TSGA10: variants seen among roughly 807,000 people sequenced by gnomAD.
TSGA10 encodes the protein testis-specific gene 10 protein.
TSGA10 carries 43 observed loss-of-function variants against 96.6 expected under a neutral mutation model. That is an observed-to-expected ratio of 0.44 (90% CI 0.35 to 0.57). The LOEUF is 0.57. TSGA10 is among the 20% of genes least tolerant of loss of function. The pLI, the probability that TSGA10 is intolerant of heterozygous loss-of-function variation, is 0.01. For synonymous variants in TSGA10, 229 were observed against 269.9 expected (o/e 0.85, Z 1.48); for missense variants, 703 against 834.4 (o/e 0.84, Z 1.94).
intron 12 of TSGA10, among the ~76,000 whole-genome samples, chr2:99,077,451 C>T (rs1405281081): frequency 6.6e-6 from 1 of 152,158 alleles, no homozygotes; most frequent in African/African-American, 2.4e-5. Flanking sequence ...AATGATGCTG[C>T]TTTTGCTTAA....
intron 16 of TSGA10, among the ~76,000 whole-genome samples, chr2:99,053,529 C>T (rs1345713908): frequency 6.6e-6 from 1 of 152,082 alleles, no homozygotes; most frequent in Non-Finnish European, 1.5e-5. Flanking sequence ...AATCTCAACA[C>T]ATGTAGAAAA....
At chr2:99,039,031 TG>T (rs1177561053) in intron 16 of TSGA10, among the ~76,000 whole-genome samples, 1 of 152,108 alleles carries the variant, frequency 6.6e-6, no homozygotes, top group East Asian at 1.9e-4. Flanking sequence ...AATCTGCTCT[TG>T]AATGATCTCT....
chr2:99,022,278 T>C (rs937167029), intron 17 of TSGA10, among the ~76,000 whole-genome samples: 1 of 130,110 alleles, frequency 7.7e-6, no homozygotes, highest in Admixed American at 1.0e-4. Context: ...TGAGCCAAGA[T>C]GGCACCACTG....
chr2:99,140,072 T>C (rs1312985910), intron 1 of TSGA10, among the ~76,000 whole-genome samples: 1 of 152,208 alleles, frequency 6.6e-6, no homozygotes, highest in African/African-American at 2.4e-5. Context: ...GCAGTGATTT[T>C]TCTTCAGAAG....
Position 98,997,426 on chromosome 2 carries a change from T to C in TSGA10, c.*771A>G, listed in dbSNP as rs973299382. The C allele has an allele frequency of 6.6e-6, 1 of 152,036 alleles. No homozygotes were observed. The highest frequency in any genetic ancestry group is 1.5e-5 in the Non-Finnish European group (1 of 67,944). 9.4% of individuals were successfully genotyped at this position (152,036 alleles called of 1,614,324 possible). Reference sequence around the variant, plus strand: ...TGGGGGAGGAAGGAAACATCACTTATCTTATTACTCCAGATTACAGACAGC... The same window carrying C: ...TGGGGGAGGAAGGAAACATCACTTACCTTATTACTCCAGATTACAGACAGC... On this transcript the variant is annotated 3_prime_UTR_variant, in exon 21 of 21. Coordinates refer to ENST00000393483, the MANE Select transcript of TSGA10 (RefSeq NM_025244.4).
intron 10 of TSGA10, among the ~76,000 whole-genome samples, chr2:99,100,646 C>G (rs996379134): frequency 6.6e-5 from 10 of 151,302 alleles, no homozygotes; most frequent in Admixed American, 3.3e-4. Context: ...TGGTGAAACC[C>G]CGTCTCTACT....
At chr2:99,149,785 CTTTTTTTTT>C (rs70940143) in intron 1 of TSGA10, among the ~76,000 whole-genome samples, 1 of 112,400 alleles carries the variant, frequency 8.9e-6, no homozygotes, top group Non-Finnish European at 1.7e-5. Context: ...TCACAAGTAT[CTTTTTTTTT>C]TTTTTTTTTT....
chr2:99,127,187 G>C lies in TSGA10; in HGVS notation c.-620-11C>G. The C allele has an allele frequency of 7.8e-7, 1 of 1,275,294 alleles. No homozygotes were observed. The highest frequency in any genetic ancestry group is 1.3e-5 in the South Asian group (1 of 77,818). The allele number at this position is 1,275,294 out of a possible 1,614,324, so 79.0% of individuals were successfully genotyped here. ...TTCTTTGGTGGTAACCTAGTACAAA[G>C]AATGGGAAATAATACAGAGGCATTC... On this transcript the variant is annotated splice_polypyrimidine_tract_variant and intron_variant, in intron 1 of 20. Transcript: ENST00000393483.
In TSGA10 at chr2:99,068,881, T is replaced by A. The variant is rs753830627; in HGVS notation, c.1218+7A>T. 4 of 1,349,252 alleles carry A rather than the reference T, an allele frequency of 3.0e-6. No individual in the cohort carries two copies. Among genetic ancestry groups the A allele is most frequent in the Non-Finnish European group, 3.9e-6 (4 of 1,019,068 alleles). 83.6% of individuals were successfully genotyped at this position (1,349,252 alleles called of 1,614,324 possible). On this transcript the variant is annotated splice_region_variant and intron_variant, in intron 15 of 20. Coordinates refer to ENST00000393483, the MANE Select transcript of TSGA10 (RefSeq NM_025244.4). ...ATCATGAGCAAAAAGAAAAAAAAAA[T>A]ACATACTTCAGACTTTAATATATTC...
chr2:99,105,763 G>GT (rs1261359263), intron 7 of TSGA10, 66 bp from the exon 8 acceptor site: 1 of 1,381,668 alleles, frequency 7.2e-7, no homozygotes, highest in Non-Finnish European at 9.7e-7. Flanking sequence ...AAAATTTTAT[G>GT]TATCTAGCCA....
intron 1 of TSGA10, among the ~76,000 whole-genome samples, chr2:99,149,228 T>C (rs2093663797): frequency 6.6e-6 from 1 of 151,428 alleles, no homozygotes; most frequent in Non-Finnish European, 1.5e-5. Flanking sequence ...CTGCTCCAGA[T>C]CTCAGGTTGC....
At chr2:99,009,007 C>T (rs2078756652) in intron 20 of TSGA10, among the ~76,000 whole-genome samples, 1 of 152,088 alleles carries the variant, frequency 6.6e-6, no homozygotes, top group African/African-American at 2.4e-5. Flanking sequence ...GGGGTGGAGG[C>T]ATGGCTGATG....
intron 7 of TSGA10, 127 bp downstream of exon 7, chr2:99,108,706 A>G (rs1395767602): frequency 1.1e-5 from 7 of 627,230 alleles, no homozygotes; most frequent in Non-Finnish European, 1.8e-5. Flanking sequence ...TTAAAAACAT[A>G]TGTAATCCCC....
intron 16 of TSGA10, among the ~76,000 whole-genome samples, chr2:99,046,164 C>T (rs1463180039): frequency 4.6e-5 from 7 of 152,162 alleles, no homozygotes; most frequent in Middle Eastern, 3.4e-3. Flanking sequence ...GACAGATCAG[C>T]GAGACAGAAA....
intron 16 of TSGA10, among the ~76,000 whole-genome samples, chr2:99,047,664 C>T (rs1450207744): frequency 1.3e-5 from 2 of 152,126 alleles, no homozygotes; most frequent in Non-Finnish European, 2.9e-5. Context: ...AAGACTGGCA[C>T]AAGAGGGGGA....
chr2:99,095,543 A>T lies in TSGA10; in HGVS notation c.611+8424T>A, dbSNP rs200338967. Among the ~76,000 whole-genome samples, 41 of 152,356 alleles carry T rather than the reference A, an allele frequency of 2.7e-4. No homozygotes were observed. The East Asian group carries it at 6.5e-3, about 24-fold the overall frequency. On this transcript the variant is annotated intron_variant, in intron 10 of 20. Transcript: ENST00000393483. ...ACAAAAAAGTATATACTTTATACTT[A>T]AAAAAGTATATACTTTAGTGAGATT...
At chr2:99,140,351 A>G (rs1250139939) in intron 1 of TSGA10, among the ~76,000 whole-genome samples, 4 of 152,172 alleles carry the variant, frequency 2.6e-5, no homozygotes. Context: ...ACGTAAACAA[A>G]GTATACTTGA....
chr2:99,015,707 C>T (rs1573484644), intron 20 of TSGA10, among the ~76,000 whole-genome samples: 1 of 152,274 alleles, frequency 6.6e-6, no homozygotes. Flanking sequence ...CAAACTATCA[C>T]TGTTCACTGA....
intron 1 of TSGA10, chr2:99,150,773 C>T: frequency 1.9e-6 from 3 of 1,613,158 alleles, no homozygotes; most frequent in Non-Finnish European, 2.5e-6. Flanking sequence ...TCTGGGAAAG[C>T]CTTGGGTTCA....
Sources: gnomAD v4.1 joint callset for allele counts (sites outside exome capture counted in the v4.1 genomes callset) on GRCh38, gnomAD v4.1.1 for gene constraint, MANE v1.5 for transcripts, NCBI Gene and HGNC (gene_info 2026-07-23, HGNC 2026-07-21) for gene names.